FAM120A: variants seen among roughly 807,000 people sequenced by gnomAD.
The protein encoded by FAM120A is constitutive coactivator of PPAR-gamma-like protein 1.
Under a neutral mutation model 109.7 loss-of-function variants are expected in FAM120A, and 15 were observed. The ratio of observed to expected loss-of-function variants is 0.14; its 90% confidence interval spans 0.09 to 0.21. The LOEUF (loss-of-function observed/expected upper bound fraction) is 0.21, where lower values mean the gene tolerates loss of function less well. Among genes scored for constraint, FAM120A ranks in the 10% least tolerant of loss-of-function variants. The pLI, the probability that FAM120A is intolerant of heterozygous loss-of-function variation, is 1.00. For missense variants in FAM120A, 899 were observed against 1,439.3 expected (o/e 0.62, Z 6.07); for synonymous variants, 493 against 572.8 (o/e 0.86, Z 1.99).
chr9:93,460,790 T>C (rs929062168), intron 1 of FAM120A, among the ~76,000 whole-genome samples: 3 of 152,230 alleles, frequency 2.0e-5, no homozygotes, highest in East Asian at 1.9e-4. Context: ...GGAAGTGTGA[T>C]GGCAGAAAGA....
intron 11 of FAM120A, 91 bp from the exon 12 acceptor site, chr9:93,550,486 C>A: frequency 3.4e-6 from 3 of 884,256 alleles, no homozygotes; most frequent in Non-Finnish European, 5.6e-6. Context: ...CTCACATCAT[C>A]CGGGATTTAC....
intron 3 of FAM120A, among the ~76,000 whole-genome samples, chr9:93,479,398 T>C (rs1368952311): frequency 1.3e-5 from 2 of 152,174 alleles, no homozygotes; most frequent in Non-Finnish European, 2.9e-5. Flanking sequence ...TTGAATTGAT[T>C]AGATATTAAC....
Position 93,532,056 on chromosome 9 carries a change from A to G in FAM120A, c.1735-99A>G. The stretch of plus-strand genomic sequence containing the variant: ...AGCAGTTGATTTGGAATGGAATTGC[A>G]ATGTCATTAACTGGAGATAATACAG... On this transcript the variant is annotated intron_variant, in intron 9 of 17. Coordinates refer to ENST00000277165, the MANE Select transcript of FAM120A (RefSeq NM_014612.5). The surrounding 1 kb of genome is among the most constrained non-coding windows in gnomAD (Gnocchi z 4.3). 2 of 1,119,112 alleles carry G rather than the reference A, an allele frequency of 1.8e-6. No individual in the cohort carries two copies. The highest frequency in any genetic ancestry group is 2.6e-6 in the Non-Finnish European group (2 of 770,186). The allele number at this position is 1,119,112 out of a possible 1,614,324, so 69.3% of individuals were successfully genotyped here.
Position 93,452,576 on chromosome 9 carries a change from G to A in FAM120A, c.474+187G>A. ...TGGCCGCGGGTGCAGGCCGCGCGCT[G>A]CCCAAGCCCGTCTCCAGCTGTCCCT... On this transcript the variant is annotated intron_variant, in intron 1 of 17. Transcript: ENST00000277165. The surrounding 1 kb of genome is among the most constrained non-coding windows in gnomAD (Gnocchi z 7.0). The A allele has an allele frequency of 6.3e-7, 1 of 1,595,124 alleles. No homozygotes were observed. Among genetic ancestry groups the A allele is most frequent in the Non-Finnish European group, 8.5e-7 (1 of 1,177,830 alleles).
chr9:93,512,175 C>G (rs1309556982), intron 5 of FAM120A, among the ~76,000 whole-genome samples: 1 of 152,104 alleles, frequency 6.6e-6, no homozygotes, highest in East Asian at 1.9e-4. Context: ...GGATCATATG[C>G]CAAGTAATAG....
chr9:93,463,433 C>G (rs1000910193), intron 1 of FAM120A, among the ~76,000 whole-genome samples: 1 of 152,178 alleles, frequency 6.6e-6, no homozygotes, highest in African/African-American at 2.4e-5. Flanking sequence ...AGAGAGATTT[C>G]TTTTTAGAGG....
At chr9:93,463,038 T>C (rs1857864300) in intron 1 of FAM120A, among the ~76,000 whole-genome samples, 1 of 152,182 alleles carries the variant, frequency 6.6e-6, no homozygotes, top group Non-Finnish European at 1.5e-5. Flanking sequence ...CCTGGAAGTG[T>C]AATTGCTGTA....
chr9:93,550,695 AT>A lies in FAM120A; in HGVS notation c.2274+7del. ...TGATCAGCTCCAGGAGCTCAAGGTA[AT>A]TTATCAGCCTCATTGCATTGTCTTG... On this transcript the variant is annotated splice_donor_5th_base_variant and intron_variant, in intron 12 of 17. Coordinates refer to ENST00000277165, the MANE Select transcript of FAM120A (RefSeq NM_014612.5). 1 of 1,610,592 alleles carries A rather than the reference AT, an allele frequency of 6.2e-7. No individual in the cohort carries two copies. The highest frequency in any genetic ancestry group is 2.2e-5 in the East Asian group (1 of 44,872).
At chr9:93,558,546 A>G in intron 14 of FAM120A, 35 bp from the exon 15 acceptor site, 5 of 1,611,470 alleles carry the variant, frequency 3.1e-6, no homozygotes, top group Non-Finnish European at 4.2e-6. Context: ...TGTCCCTTAC[A>G]CTTCTCCCCT....
chr9:93,501,635 C>T (rs1859808012), intron 5 of FAM120A, among the ~76,000 whole-genome samples: 1 of 152,032 alleles, frequency 6.6e-6, no homozygotes, highest in Non-Finnish European at 1.5e-5. Context: ...GAGGGACTAA[C>T]AAAAGTACAG....
intron 5 of FAM120A, among the ~76,000 whole-genome samples, chr9:93,503,399 C>T (rs549186574): frequency 6.6e-6 from 1 of 152,254 alleles, no homozygotes; most frequent in South Asian, 2.1e-4. Context: ...ATAATCAACA[C>T]TAAAAAGCAA....
chr9:93,503,405 A>G lies in FAM120A; in HGVS notation c.1030+4519A>G, dbSNP rs373630812. 2.0e-5 allele frequency among the ~76,000 whole-genome samples: 3 copies of G among 152,246 alleles called. No individual in the cohort carries two copies. In the East Asian group the frequency reaches 5.8e-4, roughly 29 times the overall value. Reference sequence around the variant, plus strand: ...AGCAATGAAATAATCAACACTAAAAAGCAATGCGCTATCAAGCCATGAAAA... The same window carrying G: ...AGCAATGAAATAATCAACACTAAAAGGCAATGCGCTATCAAGCCATGAAAA... On this transcript the variant is annotated intron_variant, in intron 5 of 17. Transcript: ENST00000277165.
chr9:93,485,481 C>T (rs2131308323), intron 3 of FAM120A, among the ~76,000 whole-genome samples: 1 of 152,218 alleles, frequency 6.6e-6, no homozygotes, highest in South Asian at 2.1e-4. Context: ...CCTGTAGTCC[C>T]AACTACTTGA....
At chr9:93,469,883 G>A (rs565513361) in intron 1 of FAM120A, among the ~76,000 whole-genome samples, 83 of 152,196 alleles carry the variant, frequency 5.5e-4, no homozygotes, top group Admixed American at 1.2e-3. Context: ...AAAATGTGGC[G>A]ACTGCTTTTA....
chr9:93,508,927 T>C (rs184126372), intron 5 of FAM120A, among the ~76,000 whole-genome samples: 5 of 152,110 alleles, frequency 3.3e-5, no homozygotes, highest in Middle Eastern at 3.4e-3. Flanking sequence ...CACTCGGAAG[T>C]TGGAAAGACA....
chr9:93,451,796 G>T lies in FAM120A; in HGVS notation c.-120G>T, dbSNP rs1441067561. 1.2e-3 allele frequency: 623 copies of T among 541,084 alleles called. 5 individuals carry two copies. In the African/African-American group the frequency reaches 0.028, roughly 25 times the overall value. 33.5% of individuals were successfully genotyped at this position (541,084 alleles called of 1,614,324 possible). On this transcript the variant is annotated 5_prime_UTR_variant, in exon 1 of 18. Transcript: ENST00000277165. ...GCGGCCATGAGCGCGCCCCCGACCC[G>T]CCCCAGTCCCCCCTAGAGGCCGCCG...
At chr9:93,523,259 A>G (rs1388542860) in intron 7 of FAM120A, 1 of 1,257,220 alleles carries the variant, frequency 8.0e-7, no homozygotes, top group Non-Finnish European at 1.0e-6. Context: ...ATGGTGTTGA[A>G]TGTTTTTCTT....
rs1862579872 is a variant in FAM120A, at chr9:93,564,661, T to C, written c.*121T>C. On this transcript the variant is annotated 3_prime_UTR_variant, in exon 18 of 18. Coordinates refer to ENST00000277165, the MANE Select transcript of FAM120A (RefSeq NM_014612.5). ...TTCCGTAAGAGAAAAATGAGGACTTTGGAAATTCAGATCCCTCTTTGATAT... is the reference window on the plus strand; with the variant it reads ...TTCCGTAAGAGAAAAATGAGGACTTCGGAAATTCAGATCCCTCTTTGATAT... 3.9e-6 allele frequency: 3 copies of C among 771,924 alleles called. No homozygotes were observed. In the Admixed American group the frequency reaches 9.8e-5, roughly 25 times the overall value. The allele number at this position is 771,924 out of a possible 1,614,324, so 47.8% of individuals were successfully genotyped here. A position where few individuals can be genotyped will look rare whatever the true frequency, so the allele number is the denominator to read the frequency against.
Position 93,497,612 on chromosome 9 carries a change from A to G in FAM120A, c.933+13A>G. 6.3e-7 allele frequency: 1 copy of G among 1,588,330 alleles called. No individual in the cohort carries two copies. The highest frequency in any genetic ancestry group is 2.2e-5 in the East Asian group (1 of 44,670). ...CCAGCATTCACAGGTAAAAAAAAAA[A>G]CAAACAAAACAAAAAAACAGATTCA... On this transcript the variant is annotated intron_variant, in intron 4 of 17. Transcript: ENST00000277165.
Sources: gnomAD v4.1 joint callset for allele counts (sites outside exome capture counted in the v4.1 genomes callset) on GRCh38, gnomAD v4.1.1 for gene constraint, Gnocchi (gnomAD v3.1) non-coding constraint, MANE v1.5 for transcripts, NCBI Gene and HGNC (gene_info 2026-07-23, HGNC 2026-07-21) for gene names.